ISM1: variants seen among roughly 807,000 people sequenced by gnomAD.
The protein encoded by ISM1 is isthmin-1.
Under a neutral mutation model 46.3 loss-of-function variants are expected in ISM1, and 25 were observed. The ratio of observed to expected loss-of-function variants is 0.54; its 90% confidence interval spans 0.39 to 0.75. The LOEUF (loss-of-function observed/expected upper bound fraction) is 0.75. ISM1 is among the 30% of genes least tolerant of loss of function. The probability of loss-of-function intolerance (pLI) is 0.00; values close to 1 mark genes in which losing one functional copy is unlikely to be tolerated. For synonymous variants in ISM1, 255 were observed against 256.7 expected (o/e 0.99, Z 0.06); for missense variants, 536 against 625.4 (o/e 0.86, Z 1.52).
At chr20:13,262,715 A>C (rs1033870415) in intron 1 of ISM1, among the ~76,000 whole-genome samples, 1 of 152,168 alleles carries the variant, frequency 6.6e-6, no homozygotes, top group Admixed American at 6.5e-5. Flanking sequence ...TATTCAAGAC[A>C]CACCAGTGAA....
At chr20:13,255,217 T>C (rs1028854467) in intron 1 of ISM1, among the ~76,000 whole-genome samples, 1 of 152,108 alleles carries the variant, frequency 6.6e-6, no homozygotes, top group African/African-American at 2.4e-5. Context: ...ACTTGAAGGA[T>C]AGAAGAGAGA....
rs750040491 is a variant in ISM1, at chr20:13,292,427, A to G, written c.841A>G (p.Ser281Gly). The part of the protein sequence containing the change: ...AATEVSLLAG[S>G]EEFNATKLFE... ...CACCGAAGTGAGTCTGCTTGCGGGA[A>G]GCGAGGAGTTTAATGCCACCAAACT... The change falls in exon 5 of 6, where the codon AGC (serine) becomes GGC (glycine). Residue 281 changes from serine to glycine, a missense_variant. By Grantham distance (56) the Ser-to-Gly change is moderately conservative. This residue lies in a region of ISM1 where 367 missense variants were observed against 376.1 expected (regional missense o/e 0.98). Coordinates refer to ENST00000262487, the MANE Select transcript of ISM1 (RefSeq NM_080826.2). 6 of 1,606,128 alleles carry G rather than the reference A, an allele frequency of 3.7e-6. No homozygotes were observed. In the South Asian group the frequency reaches 5.6e-5, roughly 15 times the overall value.
chr20:13,226,048 G>T (rs565121744), intron 1 of ISM1, among the ~76,000 whole-genome samples: 8 of 152,126 alleles, frequency 5.3e-5, no homozygotes. Flanking sequence ...ATTTTTAGTA[G>T]TAAGTCAGAA....
the ISM1 span, among the ~76,000 whole-genome samples, chr20:13,310,256 C>T: frequency 6.6e-6 from 1 of 152,136 alleles, no homozygotes; most frequent in African/African-American, 2.4e-5. Flanking sequence ...GAATAGAGAG[C>T]TCCAAAGTAA....
chr20:13,311,243 T>TAGATGATAGATAGATAGATA, the ISM1 span, among the ~76,000 whole-genome samples: 4 of 127,860 alleles, frequency 3.1e-5, no homozygotes, highest in Non-Finnish European at 6.7e-5. Context: ...GATAGATAGA[T>TAGATGATAGATAGATAGATA]GATAGATAGA....
At chr20:13,306,564 C>CAAAAAAAAAAAAAAAAAAAGA in the ISM1 span, among the ~76,000 whole-genome samples, 2 of 63,914 alleles carry the variant, frequency 3.1e-5, no homozygotes, top group Non-Finnish European at 5.3e-5. Context: ...GGAGAAAGGA[C>CAAAAAAAAAAAAAAAAAAAGA]AAAAAAAAAA....
intron 1 of ISM1, among the ~76,000 whole-genome samples, chr20:13,268,387 TCTCTCTC>T (rs2040072934): frequency 8.1e-6 from 1 of 123,250 alleles, no homozygotes; most frequent in South Asian, 2.5e-4. Flanking sequence ...TCTCTCTCTC[TCTCTCTC>T]TCTCTCTCTC....
chr20:13,241,762 T>C (rs2039727072), intron 1 of ISM1, among the ~76,000 whole-genome samples: 1 of 152,070 alleles, frequency 6.6e-6, no homozygotes, highest in Non-Finnish European at 1.5e-5. Flanking sequence ...TAGTATTCAT[T>C]TGAGGGTTTG....
At chr20:13,262,850 A>C (rs1380841076) in intron 1 of ISM1, among the ~76,000 whole-genome samples, 1 of 152,166 alleles carries the variant, frequency 6.6e-6, no homozygotes, top group African/African-American at 2.4e-5. Flanking sequence ...CCCATTCTTC[A>C]TTTCTTCTAA....
At chr20:13,325,204 C>A in the ISM1 span, among the ~76,000 whole-genome samples, 1 of 152,162 alleles carries the variant, frequency 6.6e-6, no homozygotes, top group Non-Finnish European at 1.5e-5. Flanking sequence ...TCCCTTCTCA[C>A]GAGAAACGCA....
rs746309693 is a variant in ISM1, at chr20:13,299,267, C to T, written c.1203C>T (p.Gly401=). The T allele has an allele frequency of 2.6e-5, 42 of 1,608,856 alleles. No individual in the cohort carries two copies. Among genetic ancestry groups the T allele is most frequent in the Non-Finnish European group, 3.2e-5 (38 of 1,177,556 alleles). ...TCATCACCAGGGGCAAGGGGGCGGG[C>T]ACGCCCAACCTCATCAGCACCGAGT... ...MQLITRGKGA[G]TPNLISTEFS... The change falls in exon 6 of 6, where the codon GGC becomes GGT. Residue 401 remains glycine, a synonymous_variant. Transcript: ENST00000262487. This position sits in a 1 kb window ranked among gnomAD's most constrained non-coding sequence, Gnocchi z 5.8.
In ISM1 at chr20:13,299,408, C is replaced by A. The variant is rs1440400429; in HGVS notation, c.1344C>A (p.Ser448Arg). ...ACAACGGACAGAAGTGCACAGAGAG[C>A]CCCTCGGACGAGGACTACATCAAGC... is the stretch of plus-strand genomic sequence containing the variant. Reference protein sequence around the residue: ...PPNNGQKCTESPSDEDYIKQF... With the variant: ...PPNNGQKCTERPSDEDYIKQF... The change falls in exon 6 of 6, where the codon AGC (serine) becomes AGA (arginine). Residue 448 changes from serine to arginine, a missense_variant. By Grantham distance (110) the Ser-to-Arg change is moderately radical (BLOSUM62 -1). This residue lies in a region of ISM1 where 169 missense variants were observed against 249.3 expected (regional missense o/e 0.68). Transcript: ENST00000262487. The surrounding 1 kb of genome is among the most constrained non-coding windows in gnomAD (Gnocchi z 5.8). The A allele has an allele frequency of 6.2e-7, 1 of 1,611,724 alleles. No individual in the cohort carries two copies. Among genetic ancestry groups the A allele is most frequent in the Non-Finnish European group, 8.5e-7 (1 of 1,179,786 alleles).
chr20:13,287,130 T>C (rs1260533202), intron 3 of ISM1, among the ~76,000 whole-genome samples: 1 of 152,244 alleles, frequency 6.6e-6, no homozygotes, highest in Non-Finnish European at 1.5e-5. Flanking sequence ...TATTAGTCTA[T>C]TCTCATACTG....
chr20:13,246,962 C>A (rs2039801524), intron 1 of ISM1, among the ~76,000 whole-genome samples: 1 of 151,860 alleles, frequency 6.6e-6, no homozygotes, highest in Admixed American at 6.6e-5. Context: ...AGTGCCGGGC[C>A]CAGTGGCTCA....
At position 13,224,946 on chromosome 20, in the gene ISM1, T is replaced by C. The variant is rs529330562; in HGVS notation, c.138+3032T>C. On this transcript the variant is annotated intron_variant, in intron 1 of 5. Transcript: ENST00000262487. ...CTGCAACCTCCACTTCCCGGGTTCATGCCATTCTCCTGCCTCAGCCTCCCA... is the reference window on the plus strand; with the variant it reads ...CTGCAACCTCCACTTCCCGGGTTCACGCCATTCTCCTGCCTCAGCCTCCCA... 1.5e-3 allele frequency among the ~76,000 whole-genome samples: 227 copies of C among 149,956 alleles called. 2 individuals carry two copies. Among genetic ancestry groups the C allele is most frequent in the East Asian group, 5.3e-3 (27 of 5,054 alleles).
intron 2 of ISM1, among the ~76,000 whole-genome samples, chr20:13,278,810 C>T (rs930034871): frequency 6.6e-6 from 1 of 152,194 alleles, no homozygotes; most frequent in East Asian, 1.9e-4. Context: ...TCCACGATGG[C>T]CCTACTCACA....
chr20:13,299,388 G>A lies in ISM1; in HGVS notation c.1324G>A (p.Gly442Arg), dbSNP rs1450412338. ...TAACGAGGCCCGGCCTCCCAACAACGGACAGAAGTGCACAGAGAGCCCCTC... is the reference window on the plus strand; with the variant it reads ...TAACGAGGCCCGGCCTCCCAACAACAGACAGAAGTGCACAGAGAGCCCCTC... ...RYNEARPPNN[G>R]QKCTESPSDE... Residue 442 changes from glycine (G) to arginine (R), a missense_variant, in exon 6 of 6, where the codon GGA becomes AGA. By Grantham distance (125) the Gly-to-Arg change is moderately radical (BLOSUM62 -2). Coordinates refer to ENST00000262487, the MANE Select transcript of ISM1 (RefSeq NM_080826.2). The surrounding 1 kb of genome is among the most constrained non-coding windows in gnomAD (Gnocchi z 5.8). 6.2e-7 allele frequency: 1 copy of A among 1,613,322 alleles called. No individual in the cohort carries two copies. Among genetic ancestry groups the A allele is most frequent in the East Asian group, 2.2e-5 (1 of 44,870 alleles).
intron 2 of ISM1, among the ~76,000 whole-genome samples, chr20:13,272,507 C>G (rs1461995291): frequency 6.6e-6 from 1 of 152,216 alleles, no homozygotes; most frequent in African/African-American, 2.4e-5. Context: ...AGGAAAAGCA[C>G]TGTGTCCCAA....
chr20:13,241,801 T>C (rs554373954), intron 1 of ISM1, among the ~76,000 whole-genome samples: 1 of 152,270 alleles, frequency 6.6e-6, no homozygotes, highest in African/African-American at 2.4e-5. Context: ...AAAGCAAGTT[T>C]GTCAAGTTGG....
Sources: gnomAD v4.1 joint callset for allele counts (sites outside exome capture counted in the v4.1 genomes callset) on GRCh38, gnomAD v4.1.1 for gene constraint, gnomAD v4.1.1 regional missense constraint, Gnocchi (gnomAD v3.1) non-coding constraint, MANE v1.5 for transcripts, NCBI Gene and HGNC (gene_info 2026-07-23, HGNC 2026-07-21) for gene names.